DAAM1: variants seen among roughly 807,000 people sequenced by gnomAD.
DAAM1 encodes disheveled-associated activator of morphogenesis 1.
In DAAM1, 52 loss-of-function variants were observed where a neutral mutation model predicts 130.0. The ratio of observed to expected loss-of-function variants is 0.40; its 90% CI spans 0.32 to 0.50. The LOEUF is 0.50. Among genes scored for constraint, DAAM1 ranks in the 20% least tolerant of loss-of-function variants. DAAM1 has a pLI of 0.61. For synonymous variants in DAAM1, 452 were observed against 444.5 expected (o/e 1.02, Z -0.21); for missense variants, 1,134 against 1,303.8 (o/e 0.87, Z 2.01).
chr14:59,334,331 C>G (rs185026165), intron 15 of DAAM1, among the ~76,000 whole-genome samples: 1 of 152,146 alleles, frequency 6.6e-6, no homozygotes, highest in African/African-American at 2.4e-5. Context: ...TACTCAAGAC[C>G]TATGCATTTT....
chr14:59,294,237 C>A (rs1399711766), intron 3 of DAAM1, among the ~76,000 whole-genome samples: 1 of 152,228 alleles, frequency 6.6e-6, no homozygotes, highest in East Asian at 1.9e-4. Flanking sequence ...CAGGGCCAAG[C>A]TTGGCTCAGC....
chr14:59,362,175 C>T (rs1886730882), intron 22 of DAAM1: 2 of 151,834 alleles, frequency 1.3e-5, no homozygotes, highest in Admixed American at 1.3e-4. Flanking sequence ...CAGAGCAAGG[C>T]CTGGGGTGGA....
At chr14:59,270,142 T>G (rs1455297982) in intron 2 of DAAM1, among the ~76,000 whole-genome samples, 3 of 152,240 alleles carry the variant, frequency 2.0e-5, no homozygotes, top group African/African-American at 7.2e-5. Context: ...AGTTTTGTGA[T>G]AGATGTCATG....
At chr14:59,209,121 C>T (rs1226411375) in intron 1 of DAAM1, among the ~76,000 whole-genome samples, 2 of 152,212 alleles carry the variant, frequency 1.3e-5, no homozygotes. Flanking sequence ...GCATGTTTCT[C>T]CTTTCATAAA....
intron 16 of DAAM1, among the ~76,000 whole-genome samples, chr14:59,346,081 C>T (rs1054990577): frequency 2.7e-5 from 4 of 148,278 alleles, no homozygotes; most frequent in South Asian, 2.1e-4. Context: ...AAGCACTTTA[C>T]GTGCATTCAT....
chr14:59,251,440 T>G lies in DAAM1; in HGVS notation c.-37-12001T>G, dbSNP rs986565849. Among the ~76,000 whole-genome samples, 4 of 151,928 alleles carry G rather than the reference T, an allele frequency of 2.6e-5. No individual in the cohort carries two copies. In the South Asian group the frequency reaches 6.2e-4, roughly 24 times the overall value. On this transcript the variant is annotated intron_variant, in intron 1 of 24. Coordinates refer to ENST00000360909, the MANE Select transcript of DAAM1 (RefSeq NM_001270520.2). ...GTCATCTTTCACTCCGCCGTGTTTT[T>G]TTTTTTTTTTCCTTTAAGTTTGTTG...
chr14:59,190,001 A>G (rs940446477), intron 1 of DAAM1, among the ~76,000 whole-genome samples: 1 of 152,090 alleles, frequency 6.6e-6, no homozygotes, highest in African/African-American at 2.4e-5. Context: ...AGTGAATCGA[A>G]GCGGAGTTGC....
At chr14:59,262,893 G>A (rs924505409) in intron 1 of DAAM1, among the ~76,000 whole-genome samples, 5 of 152,164 alleles carry the variant, frequency 3.3e-5, no homozygotes, top group African/African-American at 7.2e-5. Context: ...ATGCACAGCC[G>A]CTTCCCCTCA....
Position 59,323,580 on chromosome 14 carries a change from A to C in DAAM1, c.774+355A>C, listed in dbSNP as rs572236187. ...TATTAATAATTTTTCATATTTCACT[A>C]TATTACTTGGATGTAAAAAGCAAGC... On this transcript the variant is annotated intron_variant, in intron 6 of 24. Transcript: ENST00000360909. 2.0e-5 allele frequency among the ~76,000 whole-genome samples: 3 copies of C among 152,278 alleles called. No homozygotes were observed. In the South Asian group the frequency reaches 6.2e-4, roughly 32 times the overall value.
chr14:59,222,472 A>G (rs1484562569), intron 1 of DAAM1, among the ~76,000 whole-genome samples: 1 of 152,178 alleles, frequency 6.6e-6, no homozygotes, highest in Non-Finnish European at 1.5e-5. Context: ...AAGGGGGCTC[A>G]GTGTTGGTCT....
intron 1 of DAAM1, among the ~76,000 whole-genome samples, chr14:59,248,830 C>G (rs1299251949): frequency 2.0e-5 from 3 of 152,182 alleles, no homozygotes; most frequent in Non-Finnish European, 2.9e-5. Flanking sequence ...GTCGCCCAGG[C>G]TGGAGTGCAG....
intron 3 of DAAM1, 141 bp downstream of exon 3, chr14:59,291,447 A>C (rs61986058): frequency 0.079 from 50,539 of 640,108 alleles, 2,353 homozygotes; most frequent in Non-Finnish European, 0.096. Flanking sequence ...GTGGTGCTAC[A>C]TGTAGCCAGT....
intron 15 of DAAM1, among the ~76,000 whole-genome samples, chr14:59,334,214 G>A (rs997721128): frequency 1.3e-5 from 2 of 152,086 alleles, no homozygotes; most frequent in African/African-American, 4.8e-5. Context: ...ACTGAATTCT[G>A]ATAGAAAATC....
chr14:59,212,439 T>G (rs1228355266), intron 1 of DAAM1, among the ~76,000 whole-genome samples: 1 of 152,246 alleles, frequency 6.6e-6, no homozygotes, highest in African/African-American at 2.4e-5. Flanking sequence ...CTCCAGTGTT[T>G]TAGCATAATG....
chr14:59,335,228 G>C (rs1219319190), intron 15 of DAAM1, among the ~76,000 whole-genome samples: 3 of 152,032 alleles, frequency 2.0e-5, no homozygotes, highest in Non-Finnish European at 4.4e-5. Context: ...CTCCTATTCA[G>C]AATTTTTTTT....
At chr14:59,236,045 G>T (rs144620283) in intron 1 of DAAM1, among the ~76,000 whole-genome samples, 69 of 152,168 alleles carry the variant, frequency 4.5e-4, no homozygotes, top group African/African-American at 1.6e-3. Context: ...TTACTCCATG[G>T]CTTTATAATG....
At chr14:59,360,375 A>T (rs1250606745) in intron 21 of DAAM1, among the ~76,000 whole-genome samples, 5 of 152,254 alleles carry the variant, frequency 3.3e-5, no homozygotes, top group African/African-American at 7.2e-5. Flanking sequence ...TTGGGGCCTT[A>T]GTGAAAAGCA....
At chr14:59,276,669 G>T (rs1260339903) in intron 2 of DAAM1, among the ~76,000 whole-genome samples, 1 of 152,158 alleles carries the variant, frequency 6.6e-6, no homozygotes, top group Non-Finnish European at 1.5e-5. Flanking sequence ...TATCTAATTT[G>T]AAAAATAAAA....
chr14:59,217,378 C>T (rs1888615826), intron 1 of DAAM1, among the ~76,000 whole-genome samples: 1 of 152,136 alleles, frequency 6.6e-6, no homozygotes, highest in Non-Finnish European at 1.5e-5. Context: ...TGAAAATCTT[C>T]CTTTTGTGTC....
Sources: allele counts gnomAD v4.1 joint callset (sites outside exome capture counted in the v4.1 genomes callset), GRCh38; gene constraint gnomAD v4.1.1; transcripts MANE v1.5; gene names NCBI Gene and HGNC (gene_info 2026-07-23, HGNC 2026-07-21).